Variants in TMEM192 observed in about 807,000 individuals in gnomAD.
The protein encoded by TMEM192 is transmembrane protein 192.
TMEM192 carries 20 observed loss-of-function variants against 26.7 expected under a neutral mutation model. That is an observed-to-expected ratio of 0.75 (90% CI 0.53 to 1.09). The LOEUF (loss-of-function observed/expected upper bound fraction) is 1.09, where lower values mean the gene tolerates loss of function less well. Ranked by LOEUF, TMEM192 falls within the 50% of genes least tolerant of loss-of-function variation. The probability of loss-of-function intolerance (pLI) is 0.00; values close to 1 mark genes in which losing one functional copy is unlikely to be tolerated. For synonymous variants in TMEM192, 124 were observed against 121.0 expected, an observed-to-expected ratio of 1.02 and a Z score of -0.16; for missense variants, 304 against 322.6, an observed-to-expected ratio of 0.94 and a Z score of 0.44.
At chr4:165,107,400 G>C (rs1451502840) in intron 1 of TMEM192, among the ~76,000 whole-genome samples, 5 of 149,838 alleles carry the variant, frequency 3.3e-5, no homozygotes, top group Non-Finnish European at 7.4e-5. Context: ...ACAGTGGCAC[G>C]ATCTCGGCTC....
chr4:165,086,989 C>A (rs1265072355), intron 4 of TMEM192, among the ~76,000 whole-genome samples: 1 of 152,038 alleles, frequency 6.6e-6, no homozygotes, highest in Admixed American at 6.6e-5. Flanking sequence ...TGGTAGGCGC[C>A]TATAATCCCA....
chr4:165,085,663 A>G lies in TMEM192; in HGVS notation c.600T>C (p.Ala200=). ...YTVKIRRFNK[A]KPEPDILEEE... ...CTTCAAGTATATCAGGCTCTGGTTTAGCTTTATTAAATCTCCGGATTTTCA... is the reference window on the plus strand; with the variant it reads ...CTTCAAGTATATCAGGCTCTGGTTTGGCTTTATTAAATCTCCGGATTTTCA... Residue 200 remains alanine (A), a synonymous_variant, in exon 5 of 6, where the codon GCT becomes GCC. Coordinates refer to ENST00000306480, the MANE Select transcript of TMEM192 (RefSeq NM_001100389.2). The G allele has an allele frequency of 6.2e-7, 1 of 1,609,158 alleles. No individual in the cohort carries two copies. Among genetic ancestry groups the G allele is most frequent in the Non-Finnish European group, 8.5e-7 (1 of 1,178,332 alleles).
chr4:165,088,612 A>G lies in TMEM192; in HGVS notation c.440-10T>C, dbSNP rs961924332. ...AGAAGCACTGTGTTGCCTGAGGAGGAGAAACATAAAACACAGCATGTGATG... is the reference window on the plus strand; with the variant it reads ...AGAAGCACTGTGTTGCCTGAGGAGGGGAAACATAAAACACAGCATGTGATG... On this transcript the variant is annotated splice_polypyrimidine_tract_variant and intron_variant, in intron 3 of 5. Coordinates refer to ENST00000306480, the MANE Select transcript of TMEM192 (RefSeq NM_001100389.2). The G allele has an allele frequency of 6.2e-6, 10 of 1,606,236 alleles. No homozygotes were observed. In the African/African-American group the frequency reaches 1.3e-4, roughly 21 times the overall value.
At chr4:165,086,838 G>C (rs945160737) in intron 4 of TMEM192, among the ~76,000 whole-genome samples, 2 of 151,478 alleles carry the variant, frequency 1.3e-5, no homozygotes, top group African/African-American at 4.8e-5. Context: ...TTCAGGCTGG[G>C]CATGGTGGCT....
At chr4:165,096,131 G>A (rs1180160002) in intron 3 of TMEM192, among the ~76,000 whole-genome samples, 1 of 151,834 alleles carries the variant, frequency 6.6e-6, no homozygotes, top group Non-Finnish European at 1.5e-5. Flanking sequence ...TATTAGGCCG[G>A]GCGCAGTGGC....
chr4:165,107,159 G>T (rs1218294158), intron 1 of TMEM192, among the ~76,000 whole-genome samples: 1 of 151,650 alleles, frequency 6.6e-6, no homozygotes, highest in Non-Finnish European at 1.5e-5. Context: ...CAAGTAGCTG[G>T]AATTACAAGT....
intron 3 of TMEM192, among the ~76,000 whole-genome samples, chr4:165,096,582 A>G (rs926728254): frequency 2.0e-5 from 3 of 151,638 alleles, no homozygotes; most frequent in Non-Finnish European, 4.4e-5. Flanking sequence ...TAATATTATC[A>G]GTACTGTTAT....
intron 5 of TMEM192, 102 bp downstream of exon 5, chr4:165,085,484 A>C: frequency 1.3e-6 from 1 of 778,140 alleles, no homozygotes; most frequent in South Asian, 1.8e-5. Context: ...AATCAAACAA[A>C]TGTAAAAGTA....
At chr4:165,099,710 A>G (rs1363889168) in intron 3 of TMEM192, among the ~76,000 whole-genome samples, 2 of 152,166 alleles carry the variant, frequency 1.3e-5, no homozygotes, top group Non-Finnish European at 2.9e-5. Flanking sequence ...TGGGAGCCTG[A>G]GGCAGGAGGG....
intron 5 of TMEM192, among the ~76,000 whole-genome samples, chr4:165,085,172 C>T (rs1354094255): frequency 1.3e-5 from 2 of 150,174 alleles, no homozygotes; most frequent in Non-Finnish European, 3.0e-5. Flanking sequence ...TACTGGGAGG[C>T]TGAGGCAGGA....
Position 165,112,762 on chromosome 4 carries a change from C to T in TMEM192, c.12G>A (p.Gly4=), listed in dbSNP as rs374060343. Reference sequence around the variant, plus strand: ...GTGCACTCACGTCCTCCATCCTGCCCCCCGCCGCCATTTCCCGACGCCGGA... The same window carrying T: ...GTGCACTCACGTCCTCCATCCTGCCTCCCGCCGCCATTTCCCGACGCCGGA... MAA[G]GRMEDGSLDI... is the part of the protein sequence containing the mutation. Residue 4 remains glycine, a synonymous_variant, in exon 1 of 6, where the codon GGG becomes GGA. Coordinates refer to ENST00000306480, the MANE Select transcript of TMEM192 (RefSeq NM_001100389.2). The T allele has an allele frequency of 2.9e-5, 46 of 1,608,298 alleles. No individual in the cohort carries two copies. The highest frequency in any genetic ancestry group is 1.6e-4 in the Middle Eastern group (1 of 6,066).
intron 1 of TMEM192, among the ~76,000 whole-genome samples, chr4:165,110,017 T>C (rs1029758323): frequency 1.3e-5 from 2 of 152,196 alleles, no homozygotes; most frequent in Admixed American, 6.5e-5. Context: ...ACTGAAGGAG[T>C]TGGGGACTAT....
At chr4:165,109,256 C>G (rs190436907) in intron 1 of TMEM192, among the ~76,000 whole-genome samples, 183 of 152,322 alleles carry the variant, frequency 1.2e-3, no homozygotes, top group African/African-American at 4.3e-3. Flanking sequence ...GTGCTTTTAA[C>G]ACTTGATACA....
chr4:165,085,821 C>T, intron 4 of TMEM192, 133 bp from the exon 5 acceptor site: 1 of 625,808 alleles, frequency 1.6e-6, no homozygotes, highest in Non-Finnish European at 2.8e-6. Flanking sequence ...CAGGCCTGTT[C>T]TAAGCCCTGG....
chr4:165,088,896 C>A (rs1308472481), intron 3 of TMEM192, among the ~76,000 whole-genome samples: 1 of 151,762 alleles, frequency 6.6e-6, no homozygotes, highest in Non-Finnish European at 1.5e-5. Flanking sequence ...AAAAAATTAG[C>A]CAGGCATGGT....
At position 165,100,833 on chromosome 4, in the gene TMEM192, A is replaced by T. The variant is rs772860541; in HGVS notation, c.234T>A (p.Asn78Lys). 6.2e-7 allele frequency: 1 copy of T among 1,614,156 alleles called. No individual in the cohort carries two copies. The highest frequency in any genetic ancestry group is 2.2e-5 in the East Asian group (1 of 44,878). Residue 78 changes from asparagine to lysine, a missense_variant, in exon 3 of 6, where the codon AAT becomes AAA. Physicochemically the swap from Asn to Lys is moderately conservative, Grantham distance 94. Coordinates refer to ENST00000306480, the MANE Select transcript of TMEM192 (RefSeq NM_001100389.2). Reference sequence around the variant, plus strand: ...TGTAATTTCCTGGGCACTTGTCCTCATTTGGATTAGGATAAGAACAAAGCA... The same window carrying T: ...TGTAATTTCCTGGGCACTTGTCCTCTTTTGGATTAGGATAAGAACAAAGCA... ...TGVLCSYPNPNEDKCPGNYTN... is the reference protein window; with the variant it reads ...TGVLCSYPNPKEDKCPGNYTN...
intron 3 of TMEM192, among the ~76,000 whole-genome samples, chr4:165,095,404 C>A (rs1266027464): frequency 1.3e-5 from 2 of 152,178 alleles, no homozygotes; most frequent in Non-Finnish European, 2.9e-5. Flanking sequence ...TACCCCAGGG[C>A]ACCAGGCCCA....
At chr4:165,094,745 C>T (rs529967931) in intron 3 of TMEM192, among the ~76,000 whole-genome samples, 4 of 151,950 alleles carry the variant, frequency 2.6e-5, no homozygotes, top group Admixed American at 2.6e-4. Flanking sequence ...GAGGTCAAGG[C>T]AGGTGGATCA....
At chr4:165,084,972 T>C (rs182236138) in intron 5 of TMEM192, among the ~76,000 whole-genome samples, 206 of 149,858 alleles carry the variant, frequency 1.4e-3, no homozygotes, top group Middle Eastern at 3.7e-3. Flanking sequence ...AGAGACTCTA[T>C]CCCTTAAAAA....
Sources: allele counts gnomAD v4.1 joint callset (sites outside exome capture counted in the v4.1 genomes callset), GRCh38; gene constraint gnomAD v4.1.1; transcripts MANE v1.5; gene names NCBI Gene and HGNC (gene_info 2026-07-23, HGNC 2026-07-21).